PADI6: variants seen among roughly 807,000 people sequenced by gnomAD.
PADI6 encodes inactive protein-arginine deiminase type-6.
Under a neutral mutation model 78.2 loss-of-function variants are expected in PADI6, and 66 were observed. The ratio of observed to expected loss-of-function variants is 0.84; its 90% confidence interval spans 0.69 to 1.04. The LOEUF (loss-of-function observed/expected upper bound fraction) is 1.04, where lower values mean the gene tolerates loss of function less well. PADI6 is among the 50% of genes least tolerant of loss of function. The pLI is 0.00. For missense variants in PADI6, 854 were observed against 866.1 expected, an observed-to-expected ratio of 0.99 and a Z score of 0.18; for synonymous variants, 397 against 346.9, an observed-to-expected ratio of 1.14 and a Z score of -1.60.
intron 6 of PADI6, among the ~76,000 whole-genome samples, chr1:17,384,755 G>GA (rs2100301689): frequency 6.6e-6 from 1 of 152,322 alleles, no homozygotes; most frequent in East Asian, 1.9e-4. Flanking sequence ...AATGCTGTGG[G>GA]ATAGACTAAG....
At chr1:17,375,329 C>A in intron 2 of PADI6, 98 bp from the exon 3 acceptor site, 1 of 1,142,598 alleles carries the variant, frequency 8.8e-7, no homozygotes, top group Non-Finnish European at 1.3e-6. Flanking sequence ...TAACACAAGA[C>A]CAAGATCCCA....
Position 17,372,260 on chromosome 1 carries a change from G to A in PADI6, c.15G>A (p.Glu5=), listed in dbSNP as rs772384565. The change falls in exon 1 of 16, where the codon GAG becomes GAA. Residue 5 remains glutamate, a synonymous_variant. Coordinates refer to ENST00000619609, the MANE Select transcript of PADI6 (RefSeq NM_207421.4). The part of the protein sequence containing the change: MVSV[E]GRAMSFQSII... Reference sequence around the variant, plus strand: ...CAGGCCTGAGGATGGTCAGCGTGGAGGGCCGAGCCATGTCCTTCCAGAGTA... The same window carrying A: ...CAGGCCTGAGGATGGTCAGCGTGGAAGGCCGAGCCATGTCCTTCCAGAGTA... The A allele has an allele frequency of 9.9e-6, 16 of 1,613,880 alleles. No individual in the cohort carries two copies. Among genetic ancestry groups the A allele is most frequent in the Non-Finnish European group, 1.4e-5 (16 of 1,179,870 alleles).
In PADI6 at chr1:17,398,552, C is replaced by T. The variant is rs939867888; in HGVS notation, c.1690-134C>T. Reference sequence around the variant, plus strand: ...CTGGTATGAAGTGTGAGGCTCCTGGCACACAGCAAGTGATGGGGATGGTAG... The same window carrying T: ...CTGGTATGAAGTGTGAGGCTCCTGGTACACAGCAAGTGATGGGGATGGTAG... On this transcript the variant is annotated intron_variant, in intron 14 of 15. Coordinates refer to ENST00000619609, the MANE Select transcript of PADI6 (RefSeq NM_207421.4). 17 of 600,920 alleles carry T rather than the reference C, an allele frequency of 2.8e-5. 1 individual carries two copies. The highest frequency in any genetic ancestry group is 1.0e-4 in the South Asian group (5 of 49,830). 37.2% of individuals were successfully genotyped at this position (600,920 alleles called of 1,614,324 possible).
At chr1:17,373,488 C>T (rs1415427493) in intron 2 of PADI6, among the ~76,000 whole-genome samples, 6 of 143,922 alleles carry the variant, frequency 4.2e-5, no homozygotes, top group African/African-American at 1.6e-4. Context: ...TTTTTATTTT[C>T]ATTTATTTAT....
intron 6 of PADI6, among the ~76,000 whole-genome samples, chr1:17,387,444 CAA>C (rs1212454118): frequency 9.1e-5 from 13 of 142,284 alleles, no homozygotes; most frequent in Non-Finnish European, 1.7e-4. Flanking sequence ...GACTCCACCT[CAA>C]AAAAGAAAAG....
chr1:17,381,264 A>G, intron 5 of PADI6, 100 bp downstream of exon 5: 1 of 926,422 alleles, frequency 1.1e-6, no homozygotes, highest in Non-Finnish European at 1.7e-6. Flanking sequence ...CCCACCCCCG[A>G]CACCCTCTTC....
At chr1:17,392,248 A>G in intron 9 of PADI6, 23 bp downstream of exon 9, 1 of 1,523,922 alleles carries the variant, frequency 6.6e-7, no homozygotes, top group Non-Finnish European at 8.9e-7. Context: ...CTGGGAACCC[A>G]CCTGTCGGGG....
intron 4 of PADI6, 21 bp from the exon 5 acceptor site, chr1:17,381,026 A>G (rs376514896): frequency 1.5e-4 from 236 of 1,565,446 alleles, no homozygotes; most frequent in Non-Finnish European, 1.9e-4. Context: ...TCCTGAGCCA[A>G]TGTTCCCATC....
chr1:17,384,903 G>A (rs1282335829), intron 6 of PADI6, among the ~76,000 whole-genome samples: 2 of 152,224 alleles, frequency 1.3e-5, no homozygotes, highest in African/African-American at 4.8e-5. Flanking sequence ...TCCGTAAAGG[G>A]AGATGTGTGG....
intron 6 of PADI6, among the ~76,000 whole-genome samples, chr1:17,386,416 G>A (rs1041761596): frequency 2.6e-5 from 4 of 152,242 alleles, no homozygotes; most frequent in African/African-American, 9.6e-5. Flanking sequence ...TCACTGCCTG[G>A]TGGTGAATCA....
intron 15 of PADI6, 40 bp from the exon 16 acceptor site, chr1:17,401,163 CTG>C (rs2075297690): frequency 6.3e-7 from 1 of 1,593,818 alleles, no homozygotes; most frequent in East Asian, 2.2e-5. Context: ...TTTCAGGCCT[CTG>C]ATCCCTGTCC....
chr1:17,391,752 G>GT (rs1438827913), intron 8 of PADI6, among the ~76,000 whole-genome samples: 1 of 152,212 alleles, frequency 6.6e-6, no homozygotes, highest in Non-Finnish European at 1.5e-5. Context: ...GGAGGTGGAG[G>GT]TTGCGGTGAG....
At chr1:17,372,951 T>G (rs2074976603) in intron 1 of PADI6, 105 bp from the exon 2 acceptor site, 2 of 1,224,934 alleles carry the variant, frequency 1.6e-6, no homozygotes, top group African/African-American at 3.0e-5. Flanking sequence ...CTCAACACCC[T>G]AAGGAGAATG....
rs376937636 is a variant in PADI6 at position 17,382,064 on chromosome 1, G to A, written c.651G>A (p.Ser217=). ...RLVLHTSKEE[S]KKARVYWPQK... is the part of the protein sequence containing the mutation. The stretch of plus-strand genomic sequence containing the variant: ...TCCTCCATACCTCCAAGGAAGAGTC[G>A]AAGAAGGCGAGAGTCTACTGGCCCC... Residue 217 remains serine, a synonymous_variant, in exon 6 of 16, where the codon TCG becomes TCA. Coordinates refer to ENST00000619609, the MANE Select transcript of PADI6 (RefSeq NM_207421.4). 270 of 1,613,930 alleles carry A rather than the reference G, an allele frequency of 1.7e-4. No homozygotes were observed. The highest frequency in any genetic ancestry group is 1.5e-3 in the African/African-American group (116 of 75,052).
chr1:17,392,272 C>A, intron 9 of PADI6, 47 bp downstream of exon 9: 1 of 1,391,298 alleles, frequency 7.2e-7, no homozygotes, highest in Non-Finnish European at 1.0e-6. Flanking sequence ...GGTGGGGAGA[C>A]TCAGCATGTG....
chr1:17,397,549 A>G (rs2075259025), intron 14 of PADI6, among the ~76,000 whole-genome samples: 1 of 152,176 alleles, frequency 6.6e-6, no homozygotes, highest in Non-Finnish European at 1.5e-5. Flanking sequence ...CTTTGCTATG[A>G]CTATGCAGCT....
intron 5 of PADI6, 106 bp downstream of exon 5, chr1:17,381,270 T>C: frequency 1.2e-6 from 1 of 863,630 alleles, no homozygotes; most frequent in East Asian, 2.7e-5. Context: ...CCCGACACCC[T>C]CTTCCCCAGT....
Position 17,387,742 on chromosome 1 carries a change from C to T in PADI6, c.680-639C>T, listed in dbSNP as rs116222367. 4.7e-3 allele frequency among the ~76,000 whole-genome samples: 710 copies of T among 152,302 alleles called. 10 individuals are homozygous for T. The highest frequency in any genetic ancestry group is 0.015 in the African/African-American group (641 of 41,584). On this transcript the variant is annotated intron_variant, in intron 6 of 15. Transcript: ENST00000619609. The stretch of plus-strand genomic sequence containing the variant: ...CTCCAGCCTGGGCGACAGAGCAAGA[C>T]TCCCTCTCAAAAACACCTTTAGGAT...
Position 17,382,016 on chromosome 1 carries a change from T to C in PADI6, c.603T>C (p.Cys201=). Residue 201 remains cysteine (C), a synonymous_variant, in exon 6 of 16, where the codon TGT becomes TGC. Transcript: ENST00000619609. ...QMTLNVQGPS[C]ILKKYRLVLH... ...CTCTGAATGTCCAAGGCCCCAGCTG[T>C]ATCTTAAAGAAATATCGGCTAGTCC... The C allele has an allele frequency of 6.2e-6, 10 of 1,613,916 alleles. No homozygotes were observed. Among genetic ancestry groups the C allele is most frequent in the Non-Finnish European group, 8.5e-6 (10 of 1,179,798 alleles).
Sources: allele counts gnomAD v4.1 joint callset (sites outside exome capture counted in the v4.1 genomes callset), GRCh38; gene constraint gnomAD v4.1.1; transcripts MANE v1.5; gene names NCBI Gene and HGNC (gene_info 2026-07-23, HGNC 2026-07-21).